The following STXBP5L variants were observed in gnomAD, a reference collection of about 807,000 sequenced individuals.
STXBP5L encodes syntaxin-binding protein 5-like.
Under a neutral mutation model 144.5 loss-of-function variants are expected in STXBP5L, and 65 were observed. The ratio of observed to expected loss-of-function variants is 0.45; its 90% CI spans 0.37 to 0.55. The LOEUF is 0.55. STXBP5L is among the 20% of genes least tolerant of loss of function. The pLI is 0.00. For missense variants in STXBP5L, 1,298 were observed against 1,405.5 expected, an observed-to-expected ratio of 0.92 and a Z score of 1.22; for synonymous variants, 505 against 469.6, an observed-to-expected ratio of 1.08 and a Z score of -0.97.
chr3:121,060,054 T>A (rs1266684535), intron 5 of STXBP5L, among the ~76,000 whole-genome samples: 1 of 152,206 alleles, frequency 6.6e-6, no homozygotes, highest in Admixed American at 6.5e-5. Context: ...TATGCTAGTT[T>A]TGAAAGGGAA....
chr3:121,053,420 C>G (rs1214219574), intron 5 of STXBP5L, among the ~76,000 whole-genome samples: 1 of 152,068 alleles, frequency 6.6e-6, no homozygotes, highest in Admixed American at 6.6e-5. Flanking sequence ...CAGAACAGAG[C>G]CCTCAGAAAT....
chr3:121,284,715 T>C (rs1267939852), intron 19 of STXBP5L, among the ~76,000 whole-genome samples: 2 of 151,976 alleles, frequency 1.3e-5, no homozygotes, highest in African/African-American at 4.8e-5. Flanking sequence ...AGGTAACAGG[T>C]TCACCAGAAT....
chr3:121,121,718 T>A lies in STXBP5L; in HGVS notation c.669+14T>A. The A allele has an allele frequency of 1.3e-6, 2 of 1,563,102 alleles. No homozygotes were observed. The highest frequency in any genetic ancestry group is 2.3e-5 in the South Asian group (2 of 87,742). ...GATGAAGGCAAAGTGAGTATTATGA[T>A]ATCTTTATTATTAGTTTTATTTTCC... On this transcript the variant is annotated intron_variant, in intron 7 of 26. Coordinates refer to ENST00000471454, the MANE Select transcript of STXBP5L (RefSeq NM_001308330.2).
intron 20 of STXBP5L, 108 bp downstream of exon 20, chr3:121,318,648 A>G: frequency 1.4e-6 from 1 of 725,942 alleles, no homozygotes; most frequent in Non-Finnish European, 2.1e-6. Context: ...GTAATTAGGT[A>G]TAATTCCATT....
At chr3:121,042,078 A>G (rs1560044474) in intron 4 of STXBP5L, among the ~76,000 whole-genome samples, 1 of 151,846 alleles carries the variant, frequency 6.6e-6, no homozygotes, top group Admixed American at 6.6e-5. Flanking sequence ...CTGGCCATTA[A>G]TTTTTTTTCT....
intron 3 of STXBP5L, among the ~76,000 whole-genome samples, chr3:121,003,560 G>T (rs1225851849): frequency 6.6e-6 from 1 of 152,156 alleles, no homozygotes; most frequent in African/African-American, 2.4e-5. Context: ...AGTTTAATTA[G>T]ATCCCATTTG....
chr3:120,998,382 A>T (rs766180650), intron 3 of STXBP5L, among the ~76,000 whole-genome samples: 1 of 148,580 alleles, frequency 6.7e-6, no homozygotes, highest in Non-Finnish European at 1.5e-5. Context: ...TCTTTGGCAA[A>T]GTTTTTTTTT....
In STXBP5L at chr3:121,322,204, C is replaced by T. The variant is rs528632758; in HGVS notation, c.2176+3664C>T. Among the ~76,000 whole-genome samples the T allele has an allele frequency of 1.4e-4, 21 of 152,228 alleles. 1 individual carries two copies. Among genetic ancestry groups the T allele is most frequent in the South Asian group, 8.3e-4 (4 of 4,820 alleles). On this transcript the variant is annotated intron_variant, in intron 20 of 26. Transcript: ENST00000471454. ...TTAAAGGACATGATTTTTGGCTGGG[C>T]GCCGTGGCTCACGCCTGTAATCTCA...
chr3:121,254,766 G>A (rs927630997), intron 15 of STXBP5L, 129 bp from the exon 16 acceptor site: 16 of 782,964 alleles, frequency 2.0e-5, no homozygotes, highest in Admixed American at 6.2e-5. Context: ...ATGCTTTACT[G>A]GTTAAAATGT....
At chr3:120,975,213 T>A (rs983503870) in intron 3 of STXBP5L, among the ~76,000 whole-genome samples, 1 of 152,236 alleles carries the variant, frequency 6.6e-6, no homozygotes, top group Non-Finnish European at 1.5e-5. Flanking sequence ...TCCTCTTTTA[T>A]TTCCTTGAGC....
intron 18 of STXBP5L, among the ~76,000 whole-genome samples, chr3:121,263,430 TTCCTCACCA>T (rs2050450484): frequency 6.6e-6 from 1 of 152,082 alleles, no homozygotes; most frequent in African/African-American, 2.4e-5. Flanking sequence ...ATCATCACAA[TTCCTCACCA>T]GCAAGGGAAC....
At chr3:120,922,173 T>G (rs1709391476) in intron 2 of STXBP5L, among the ~76,000 whole-genome samples, 2 of 152,030 alleles carry the variant, frequency 1.3e-5, no homozygotes, top group South Asian at 4.1e-4. Context: ...TTTCACTTCT[T>G]TAATTAAATT....
chr3:121,049,104 G>A (rs541512721), intron 5 of STXBP5L, among the ~76,000 whole-genome samples: 10 of 152,128 alleles, frequency 6.6e-5, no homozygotes, highest in African/African-American at 1.2e-4. Flanking sequence ...TAGAGACCCC[G>A]GTAGGGAGAC....
chr3:121,136,798 A>G (rs1220350092), intron 7 of STXBP5L, among the ~76,000 whole-genome samples: 2 of 152,346 alleles, frequency 1.3e-5, no homozygotes, highest in Admixed American at 6.5e-5. Flanking sequence ...TTGCGGTACT[A>G]TTCACAATAG....
intron 20 of STXBP5L, among the ~76,000 whole-genome samples, chr3:121,329,875 C>G (rs1054133605): frequency 6.6e-6 from 1 of 151,540 alleles, no homozygotes; most frequent in African/African-American, 2.4e-5. Flanking sequence ...ATTCCTCTTG[C>G]CGAATTAAAG....
intron 9 of STXBP5L, among the ~76,000 whole-genome samples, chr3:121,180,957 A>G (rs76900191): frequency 0.098 from 14,873 of 151,278 alleles, 1,163 homozygotes; most frequent in Admixed American, 0.2. Flanking sequence ...GAAAAGAAGC[A>G]GAGGGTAAGG....
intron 3 of STXBP5L, among the ~76,000 whole-genome samples, chr3:120,960,378 A>C (rs917093402): frequency 2.0e-5 from 3 of 152,116 alleles, no homozygotes; most frequent in Non-Finnish European, 2.9e-5. Flanking sequence ...AGAACTAGAA[A>C]TACCATTTGA....
intron 19 of STXBP5L, among the ~76,000 whole-genome samples, chr3:121,316,420 TTG>T (rs2043791341): frequency 6.6e-6 from 1 of 152,186 alleles, no homozygotes; most frequent in African/African-American, 2.4e-5. Flanking sequence ...TTTTAAAATT[TTG>T]ATGAAACTCT....
chr3:120,962,212 T>C (rs1240520779), intron 3 of STXBP5L, among the ~76,000 whole-genome samples: 2 of 152,194 alleles, frequency 1.3e-5, no homozygotes, highest in Non-Finnish European at 2.9e-5. Flanking sequence ...AAATTTTTCT[T>C]CCATTCTATA....
Sources: gnomAD v4.1 joint callset for allele counts (sites outside exome capture counted in the v4.1 genomes callset) on GRCh38, gnomAD v4.1.1 for gene constraint, MANE v1.5 for transcripts, NCBI Gene and HGNC (gene_info 2026-07-23, HGNC 2026-07-21) for gene names.